The following ZNF814 variants were observed in gnomAD, a reference collection of about 807,000 sequenced individuals.
The protein encoded by ZNF814 is zinc finger protein 814.
A neutral mutation model predicts 7.5 loss-of-function variants in ZNF814; 5 were observed. The ratio of observed to expected loss-of-function variants is 0.67; its 90% CI spans 0.35 to 1.40. ZNF814 has a LOEUF of 1.40. Ranked by LOEUF, ZNF814 falls within the 40% of genes most tolerant of loss-of-function variation. The pLI is 0.04. For synonymous variants in ZNF814, 315 were observed against 340.7 expected, an observed-to-expected ratio of 0.92 and a Z score of 0.83; for missense variants, 962 against 1,018.0, an observed-to-expected ratio of 0.94 and a Z score of 0.75.
chr19:57,903,529 A>G, the ZNF814 span, among the ~76,000 whole-genome samples: 8 of 152,314 alleles, frequency 5.3e-5, no homozygotes, highest in Middle Eastern at 3.4e-3. Flanking sequence ...GGGAAATTAA[A>G]TGCCATCTAG....
At chr19:57,892,226 A>G (rs924364940), upstream of ZNF814, among the ~76,000 whole-genome samples, 6 of 152,210 alleles carry the variant, frequency 3.9e-5, no homozygotes, top group Non-Finnish European at 7.3e-5. Context: ...CACATAGTCT[A>G]CAGAGTTTGA....
At chr19:57,888,520 G>A (rs1227702881) in intron 1 of ZNF814, among the ~76,000 whole-genome samples, 6 of 152,134 alleles carry the variant, frequency 3.9e-5, no homozygotes, top group Admixed American at 1.3e-4. Context: ...GCTCCCAACA[G>A]GCACCTGTGG....
At position 57,871,911 on chromosome 19, in the gene ZNF814, C is replaced by A. The variant is rs1169334802; in HGVS notation, c.*911G>T. 2.6e-5 allele frequency among the ~76,000 whole-genome samples: 4 copies of A among 151,548 alleles called. No homozygotes were observed. Among genetic ancestry groups the A allele is most frequent in the Non-Finnish European group, 4.4e-5 (3 of 67,962 alleles). On this transcript the variant is annotated 3_prime_UTR_variant, in exon 3 of 3. Coordinates refer to ENST00000435989, the MANE Select transcript of ZNF814 (RefSeq NM_001144989.2). ...GATCGCTTGAGCCAGGAGTTTAAGA[C>A]CAGCCTGGGCAACATGGTGAGACCC...
Position 57,873,312 on chromosome 19 carries a change from C to T in ZNF814, c.2078G>A (p.Cys693Tyr), listed in dbSNP as rs751046259. The change falls in exon 3 of 3, where the codon TGT becomes TAT. Residue 693 changes from cysteine (C) to tyrosine (Y), a missense_variant. This residue lies in a region of ZNF814 where 665 missense variants were observed against 551.4 expected (regional missense o/e 1.21). Coordinates refer to ENST00000435989, the MANE Select transcript of ZNF814 (RefSeq NM_001144989.2). ...TGERPYVCRE[C>Y]GKLFKKKSHL... Reference sequence around the variant, plus strand: ...AGACTTCTTCTTAAATAATTTTCCACATTCCCTACATACATAAGGTCTTTC... The same window carrying T: ...AGACTTCTTCTTAAATAATTTTCCATATTCCCTACATACATAAGGTCTTTC... 2.3e-5 allele frequency: 37 copies of T among 1,587,964 alleles called. No homozygotes were observed. Among genetic ancestry groups the T allele is most frequent in the Non-Finnish European group, 3.0e-5 (35 of 1,166,558 alleles).
the ZNF814 span, among the ~76,000 whole-genome samples, chr19:57,894,942 T>C: frequency 6.6e-6 from 1 of 152,196 alleles, no homozygotes; most frequent in Admixed American, 6.5e-5. Flanking sequence ...TCAATGCTTT[T>C]TGTTCCCAAT....
chr19:57,875,361 G>C lies in ZNF814; in HGVS notation c.164-135C>G, dbSNP rs537106584. On this transcript the variant is annotated intron_variant, in intron 2 of 2. Coordinates refer to ENST00000435989, the MANE Select transcript of ZNF814 (RefSeq NM_001144989.2). ...AGGAACAGGATGTTGGCTTCAGGCG[G>C]AAGATGGTGCTATGTATTATTACTG... 3.6e-5 allele frequency: 57 copies of C among 1,572,372 alleles called. No individual in the cohort carries two copies. In the African/African-American group the frequency reaches 7.1e-4, roughly 20 times the overall value.
At chr19:57,887,936 A>G (rs2071706626) in intron 1 of ZNF814, among the ~76,000 whole-genome samples, 1 of 152,196 alleles carries the variant, frequency 6.6e-6, no homozygotes. Context: ...CTCTGTAACC[A>G]TTTATCCTTT....
chr19:57,897,466 C>T, the ZNF814 span, among the ~76,000 whole-genome samples: 1 of 152,164 alleles, frequency 6.6e-6, no homozygotes, highest in Non-Finnish European at 1.5e-5. Flanking sequence ...ATGTATACCC[C>T]CGGTATAAGA....
At position 57,873,662 on chromosome 19, in the gene ZNF814, A is replaced by G. The variant is rs752036150; in HGVS notation, c.1728T>C (p.Tyr576=). ...HQRVHPRERS[Y]GCGECGKSFS... ...AAGATTTCCCACATTCTCCACACCC[A>G]TAAGATCTTTCTCTAGGGTGAACTC... Residue 576 remains tyrosine (Y), a synonymous_variant, in exon 3 of 3, where the codon TAT becomes TAC. Coordinates refer to ENST00000435989, the MANE Select transcript of ZNF814 (RefSeq NM_001144989.2). 1.5e-5 allele frequency: 25 copies of G among 1,613,896 alleles called. No individual in the cohort carries two copies. The highest frequency in any genetic ancestry group is 3.3e-5 in the South Asian group (3 of 91,072).
At chr19:57,897,170 A>G in the ZNF814 span, among the ~76,000 whole-genome samples, 2 of 152,222 alleles carry the variant, frequency 1.3e-5, no homozygotes, top group Non-Finnish European at 2.9e-5. Context: ...GTTGTAATAC[A>G]GCTTCTTACA....
At chr19:57,904,117 C>G in the ZNF814 span, among the ~76,000 whole-genome samples, 1 of 152,158 alleles carries the variant, frequency 6.6e-6, no homozygotes, top group Non-Finnish European at 1.5e-5. Flanking sequence ...GCCCCTTGCA[C>G]TTTGTTCTCC....
chr19:57,877,914 C>T (rs1018098136), intron 1 of ZNF814, among the ~76,000 whole-genome samples: 1 of 152,006 alleles, frequency 6.6e-6, no homozygotes, highest in Non-Finnish European at 1.5e-5. Context: ...TTTGTAATCC[C>T]AGTGATTTCA....
In ZNF814 at chr19:57,874,571, T is replaced by A. The variant is rs891656377; in HGVS notation, c.819A>T (p.Glu273Asp). ...CATATTTGCTAAAGGATTTCCCACA[T>A]TCTCCACATTCATGTTTTTTTTCAG... The part of the protein sequence containing the change: ...VHTEKKHECG[E>D]CGKSFSKYVS... The change falls in exon 3 of 3, where the codon GAA becomes GAT. Residue 273 changes from glutamate (E) to aspartate (D), a missense_variant. Physicochemically the swap from Glu to Asp is conservative, Grantham distance 45 (BLOSUM62 2). Coordinates refer to ENST00000435989, the MANE Select transcript of ZNF814 (RefSeq NM_001144989.2). The A allele has an allele frequency of 1.3e-6, 2 of 1,547,604 alleles. No homozygotes were observed. The highest frequency in any genetic ancestry group is 1.7e-6 in the Non-Finnish European group (2 of 1,144,922).
At chr19:57,892,867 C>A (rs780520543), upstream of ZNF814, among the ~76,000 whole-genome samples, 2 of 152,160 alleles carry the variant, frequency 1.3e-5, no homozygotes, top group Non-Finnish European at 2.9e-5. Flanking sequence ...CCATCTTGCC[C>A]AGAGACCAAG....
upstream of ZNF814, among the ~76,000 whole-genome samples, chr19:57,892,850 A>G (rs759005818): frequency 2.6e-5 from 4 of 152,106 alleles, no homozygotes; most frequent in Non-Finnish European, 5.9e-5. Context: ...TCTGTTATTC[A>G]GGGTGACCAT....
intron 2 of ZNF814, among the ~76,000 whole-genome samples, chr19:57,875,568 C>CAA (rs1465716149): frequency 6.6e-6 from 1 of 152,170 alleles, no homozygotes; most frequent in African/African-American, 2.4e-5. Context: ...AAGGAAAACA[C>CAA]AAGCACAACA....
In ZNF814 at chr19:57,872,910, G is replaced by C. The variant is rs1010600595; in HGVS notation, c.2480C>G (p.Pro827Arg). The change falls in exon 3 of 3, where the codon CCT (proline) becomes CGT (arginine). Residue 827 changes from proline (P) to arginine (R), a missense_variant. This residue lies in a region of ZNF814 where 665 missense variants were observed against 551.4 expected (regional missense o/e 1.21). Coordinates refer to ENST00000435989, the MANE Select transcript of ZNF814 (RefSeq NM_001144989.2). ...TTTCCCACATTTCTCACATTTATAA[G>C]GCTTTTCTCCAGTGTGAACTCTCTT... is the stretch of plus-strand genomic sequence containing the variant. ...KHKRVHTGEK[P>R]YKCEKCGKLF... 4 of 1,613,256 alleles carry C rather than the reference G, an allele frequency of 2.5e-6. No individual in the cohort carries two copies. The highest frequency in any genetic ancestry group is 3.4e-6 in the Non-Finnish European group (4 of 1,179,784).
Position 57,870,989 on chromosome 19 carries a change from GAAA to G in ZNF814, c.*1830_*1832del, listed in dbSNP as rs201345616. 3 of 147,590 alleles carry G rather than the reference GAAA, an allele frequency of 2.0e-5. No individual in the cohort carries two copies. The highest frequency in any genetic ancestry group is 3.0e-5 in the Non-Finnish European group (2 of 66,590). The allele number at this position is 147,590 out of a possible 1,614,324, so 9.1% of individuals were successfully genotyped here. ...GGTGAGGCTCTGCCTCAAAAAAAAA[GAAA>G]AAAAAAGAAAAAAAAGACATGAGTT... On this transcript the variant is annotated 3_prime_UTR_variant, in exon 3 of 3. Coordinates refer to ENST00000435989, the MANE Select transcript of ZNF814 (RefSeq NM_001144989.2).
At chr19:57,876,792 C>T (rs2071610290) in intron 2 of ZNF814, 124 bp downstream of exon 2, 2 of 1,510,326 alleles carry the variant, frequency 1.3e-6, no homozygotes, top group South Asian at 1.3e-5. Context: ...AACCAAGAAC[C>T]TACCCACAGA....
Sources: gnomAD v4.1 joint callset for allele counts (sites outside exome capture counted in the v4.1 genomes callset) on GRCh38, gnomAD v4.1.1 for gene constraint, gnomAD v4.1.1 regional missense constraint, MANE v1.5 for transcripts, NCBI Gene and HGNC (gene_info 2026-07-23, HGNC 2026-07-21) for gene names.